The following AIF1L variants were observed in gnomAD, a reference collection of about 807,000 sequenced individuals.
AIF1L encodes the protein allograft inflammatory factor 1 like.
AIF1L carries 12 observed loss-of-function variants against 20.7 expected under a neutral mutation model. The observed-to-expected ratio is 0.58, with a 90% CI of 0.37 to 0.94. AIF1L has a LOEUF of 0.94. Ranked by LOEUF, AIF1L falls within the 40% of genes least tolerant of loss-of-function variation. AIF1L has a pLI of 0.01. For missense variants in AIF1L, 173 were observed against 185.3 expected, an observed-to-expected ratio of 0.93 and a Z score of 0.39; for synonymous variants, 76 against 65.1, an observed-to-expected ratio of 1.17 and a Z score of -0.81.
chr9:131,096,634 C>A lies in AIF1L; in HGVS notation c.5C>A (p.Ser2Ter). Reference sequence around the variant, plus strand: ...GGCGGGAGCCCCGCGCTCGCCATGTCGGGCGAGCTCAGCAACAGGTTCCAA... The same window carrying A: ...GGCGGGAGCCCCGCGCTCGCCATGTAGGGCGAGCTCAGCAACAGGTTCCAA... M[S>*]GELSNRFQGG... The change falls in exon 1 of 6, where the codon TCG becomes TAG. Residue 2 changes from serine (S) to a stop codon, truncating the protein, a stop_gained. Coordinates refer to ENST00000247291, the MANE Select transcript of AIF1L (RefSeq NM_031426.4). LOFTEE classifies it high-confidence loss of function. 6.7e-7 allele frequency: 1 copy of A among 1,484,264 alleles called. No homozygotes were observed. The highest frequency in any genetic ancestry group is 1.3e-5 in the South Asian group (1 of 78,452). The allele number at this position is 1,484,264 out of a possible 1,614,324, so 91.9% of individuals were successfully genotyped here. A position where few individuals can be genotyped will look rare whatever the true frequency, so the allele number is the denominator to read the frequency against.
chr9:131,118,060 C>T, intron 5 of AIF1L, 142 bp downstream of exon 5: 6 of 830,320 alleles, frequency 7.2e-6, no homozygotes, highest in Non-Finnish European at 1.1e-5. Flanking sequence ...CTTACTTCTC[C>T]TGATCCTGAT....
At chr9:131,097,006 G>GC in intron 2 of AIF1L, 143 bp downstream of exon 2, 1 of 933,254 alleles carries the variant, frequency 1.1e-6, no homozygotes, top group Non-Finnish European at 1.5e-6. Context: ...GCCTCCCTCC[G>GC]CCCCCAGCCC....
At chr9:131,098,435 G>A (rs1225258530) in intron 2 of AIF1L, among the ~76,000 whole-genome samples, 1 of 152,158 alleles carries the variant, frequency 6.6e-6, no homozygotes, top group African/African-American at 2.4e-5. Context: ...TAGCCCTCTG[G>A]ACAGAAGGCT....
intron 5 of AIF1L, 102 bp downstream of exon 5, chr9:131,118,020 A>G (rs1831052819): frequency 7.7e-7 from 1 of 1,296,282 alleles, no homozygotes; most frequent in African/African-American, 1.5e-5. Context: ...CCTAGTAGGT[A>G]ACTCATTGTG....
At chr9:131,111,801 G>T in intron 3 of AIF1L, 138 bp downstream of exon 3, 1 of 899,888 alleles carries the variant, frequency 1.1e-6, no homozygotes. Context: ...TCCTGGAGAA[G>T]GCTTGGAGAC....
intron 2 of AIF1L, among the ~76,000 whole-genome samples, chr9:131,099,420 G>A (rs1401812964): frequency 6.6e-6 from 1 of 152,278 alleles, no homozygotes; most frequent in Non-Finnish European, 1.5e-5. Flanking sequence ...GGGCAGTGCA[G>A]AGGGCCTGAG....
chr9:131,102,175 A>C (rs1830652989), intron 2 of AIF1L, among the ~76,000 whole-genome samples: 1 of 152,120 alleles, frequency 6.6e-6, no homozygotes, highest in African/African-American at 2.4e-5. Flanking sequence ...GGCCTCCCAA[A>C]GTGCTGGGAT....
At chr9:131,108,452 G>A (rs551414896) in intron 2 of AIF1L, among the ~76,000 whole-genome samples, 2 of 152,150 alleles carry the variant, frequency 1.3e-5, no homozygotes, top group African/African-American at 4.8e-5. Flanking sequence ...TGCTCACCTC[G>A]GCCTCCCAAA....
At chr9:131,112,833 G>A (rs926923638) in intron 3 of AIF1L, among the ~76,000 whole-genome samples, 1 of 152,182 alleles carries the variant, frequency 6.6e-6, no homozygotes, top group Non-Finnish European at 1.5e-5. Context: ...CCTTCTGTCT[G>A]CATACCAGCG....
chr9:131,109,431 C>T (rs1268432084), intron 2 of AIF1L, among the ~76,000 whole-genome samples: 2 of 152,108 alleles, frequency 1.3e-5, no homozygotes, highest in Non-Finnish European at 2.9e-5. Context: ...TGGTGGCACA[C>T]TCCTGTAGTC....
chr9:131,105,859 G>T (rs1358018709), intron 2 of AIF1L, among the ~76,000 whole-genome samples: 1 of 145,466 alleles, frequency 6.9e-6, no homozygotes, highest in African/African-American at 2.5e-5. Flanking sequence ...TAGAGACAGG[G>T]TCTGGCTGGA....
At chr9:131,110,692 G>C (rs140664895) in intron 2 of AIF1L, among the ~76,000 whole-genome samples, 3 of 151,228 alleles carry the variant, frequency 2.0e-5, no homozygotes, top group Non-Finnish European at 4.4e-5. Flanking sequence ...TTATAGAGAC[G>C]GGGTTTCACT....
At chr9:131,114,533 C>T (rs748161289) in intron 3 of AIF1L, 44 bp from the exon 4 acceptor site, 33 of 1,609,820 alleles carry the variant, frequency 2.0e-5, no homozygotes, top group South Asian at 2.2e-5. Flanking sequence ...CACAGGGAGA[C>T]GCTGCTTCCA....
chr9:131,100,599 C>T (rs1047553088), intron 2 of AIF1L, among the ~76,000 whole-genome samples: 3 of 152,210 alleles, frequency 2.0e-5, no homozygotes, highest in African/African-American at 7.2e-5. Flanking sequence ...TGTATGTGCA[C>T]GCACGTGTGT....
At chr9:131,109,901 A>C (rs964744086) in intron 2 of AIF1L, among the ~76,000 whole-genome samples, 2 of 152,058 alleles carry the variant, frequency 1.3e-5, no homozygotes, top group South Asian at 4.1e-4. Flanking sequence ...CCTCACCTGC[A>C]AAATGGGTAT....
chr9:131,121,073 T>TG lies in AIF1L; in HGVS notation c.*756dup, dbSNP rs34440465. 0.29 allele frequency: 208,174 copies of TG among 710,676 alleles called. 31,611 individuals carry two copies. Among genetic ancestry groups the TG allele is most frequent in the African/African-American group, 0.42 (24,009 of 57,240 alleles). 44.0% of individuals were successfully genotyped at this position (710,676 alleles called of 1,614,324 possible). ...GAGGCAGAAGTGAGGCCTGGGGTTT[T>TG]GGGGGAAAGGTCAGCTCAGTGCTGT... On this transcript the variant is annotated 3_prime_UTR_variant, in exon 6 of 6. Coordinates refer to ENST00000247291, the MANE Select transcript of AIF1L (RefSeq NM_031426.4).
intron 3 of AIF1L, chr9:131,114,181 AC>A (rs1830956687): frequency 1.4e-5 from 3 of 220,122 alleles, no homozygotes; most frequent in Non-Finnish European, 2.8e-5. Flanking sequence ...TAAAAAGCAC[AC>A]CCATGCCTGC....
intron 4 of AIF1L, among the ~76,000 whole-genome samples, chr9:131,116,142 A>C (rs988967090): frequency 3.2e-4 from 49 of 152,100 alleles, no homozygotes; most frequent in African/African-American, 1.2e-3. Flanking sequence ...TCTTTATTCT[A>C]ATCACAAAAG....
chr9:131,099,852 G>A (rs1276307055), intron 2 of AIF1L, among the ~76,000 whole-genome samples: 7 of 150,772 alleles, frequency 4.6e-5, no homozygotes, highest in Non-Finnish European at 8.8e-5. Flanking sequence ...TCAGCCTCCC[G>A]AGTAACTGGG....
Sources: gnomAD v4.1 joint callset for allele counts (sites outside exome capture counted in the v4.1 genomes callset) on GRCh38, gnomAD v4.1.1 for gene constraint, MANE v1.5 for transcripts, NCBI Gene and HGNC (gene_info 2026-07-23, HGNC 2026-07-21) for gene names.